Variants in IST1 observed in about 807,000 individuals in gnomAD.
IST1 encodes IST1 factor associated with ESCRT-III.
A neutral mutation model predicts 37.0 loss-of-function variants in IST1; 23 were observed. The ratio of observed to expected loss-of-function variants is 0.62; its 90% CI spans 0.45 to 0.88. The LOEUF (loss-of-function observed/expected upper bound fraction) is 0.88. IST1 is among the 40% of genes least tolerant of loss of function. The probability of loss-of-function intolerance (pLI) is 0.00; values close to 1 mark genes in which losing one functional copy is unlikely to be tolerated. For synonymous variants in IST1, 180 were observed against 161.7 expected, an observed-to-expected ratio of 1.11 and a Z score of -0.86; for missense variants, 488 against 445.4, an observed-to-expected ratio of 1.10 and a Z score of -0.86.
upstream of IST1, chr16:71,895,218 G>A (rs1243013440): frequency 4.0e-5 from 7 of 176,330 alleles, no homozygotes; most frequent in Non-Finnish European, 7.3e-5. Context: ...GGCGCGGTGA[G>A]GCCGTGGGCG....
chr16:71,914,504 G>T, intron 1 of IST1, among the ~76,000 whole-genome samples: 1 of 152,116 alleles, frequency 6.6e-6, no homozygotes, highest in East Asian at 1.9e-4. Context: ...TCAAGCCAAT[G>T]TCTCACATAC....
At position 71,928,036 on chromosome 16, in the gene IST1, G is replaced by A. The variant is rs1391899064; in HGVS notation, c.*223G>A. The stretch of plus-strand genomic sequence containing the variant: ...CTGAGGCCAGAGCAACTGGCTCCTG[G>A]CAGCTGTGCTTGTCCGTTTCCTGTC... On this transcript the variant is annotated 3_prime_UTR_variant, in exon 10 of 10. Coordinates refer to ENST00000378799, the MANE Select transcript of IST1 (RefSeq NM_001270975.2). 1.4e-5 allele frequency: 7 copies of A among 516,980 alleles called. No homozygotes were observed. The highest frequency in any genetic ancestry group is 2.1e-5 in the Non-Finnish European group (6 of 285,782). 32.0% of individuals were successfully genotyped at this position (516,980 alleles called of 1,614,324 possible).
intron 8 of IST1, among the ~76,000 whole-genome samples, chr16:71,923,801 A>G (rs1355929268): frequency 2.0e-5 from 3 of 152,214 alleles, no homozygotes; most frequent in Non-Finnish European, 4.4e-5. Context: ...TCTTAATCAG[A>G]AATGTCCAGT....
intron 7 of IST1, among the ~76,000 whole-genome samples, 189 bp from the exon 8 acceptor site, chr16:71,923,099 G>A (rs534008859): frequency 8.6e-4 from 131 of 152,234 alleles, no homozygotes; most frequent in Middle Eastern, 6.8e-3. Flanking sequence ...AATAGCCTTT[G>A]GCTCTAGATC....
At chr16:71,915,974 G>T (rs1471869669) in intron 2 of IST1, among the ~76,000 whole-genome samples, 1 of 152,034 alleles carries the variant, frequency 6.6e-6, no homozygotes, top group East Asian at 1.9e-4. Flanking sequence ...GGGATTACAG[G>T]TGTGTGCCAC....
chr16:71,901,959 G>C (rs1415220455), intron 1 of IST1, among the ~76,000 whole-genome samples: 1 of 152,170 alleles, frequency 6.6e-6, no homozygotes, highest in Non-Finnish European at 1.5e-5. Flanking sequence ...TATAAAGCAT[G>C]CCTTAAACAT....
At chr16:71,907,093 AT>A (rs1242069725) in intron 1 of IST1, among the ~76,000 whole-genome samples, 1 of 150,940 alleles carries the variant, frequency 6.6e-6, no homozygotes, top group Non-Finnish European at 1.5e-5. Context: ...ATTTCTTTGT[AT>A]TTTGTCTGAT....
rs1200837312 is a variant in IST1 at position 71,928,153 on chromosome 16, G to A, written c.*340G>A. ...GAAGCACTGTGGGAAGACCACCAAA[G>A]ATGGCTGGACAGTGGGAGAGAGCAC... On this transcript the variant is annotated 3_prime_UTR_variant, in exon 10 of 10. Transcript: ENST00000378799. 1 of 332,998 alleles carries A rather than the reference G, an allele frequency of 3.0e-6. No homozygotes were observed. 20.6% of individuals were successfully genotyped at this position (332,998 alleles called of 1,614,324 possible).
intron 6 of IST1, among the ~76,000 whole-genome samples, 153 bp from the exon 7 acceptor site, chr16:71,922,321 C>G (rs1286671816): frequency 6.6e-6 from 1 of 152,216 alleles, no homozygotes; most frequent in African/African-American, 2.4e-5. Context: ...ACTTCTCCTT[C>G]CACCTAACTC....
At chr16:71,919,580 T>C (rs1414039274) in intron 4 of IST1, among the ~76,000 whole-genome samples, 1 of 152,130 alleles carries the variant, frequency 6.6e-6, no homozygotes, top group East Asian at 1.9e-4. Flanking sequence ...AAATAGAGAC[T>C]AGGGTTTTGC....
At chr16:71,910,294 T>A (rs946119119) in intron 1 of IST1, among the ~76,000 whole-genome samples, 1 of 152,090 alleles carries the variant, frequency 6.6e-6, no homozygotes, top group East Asian at 1.9e-4. Context: ...CACTTAGCCC[T>A]CTTGGATATC....
chr16:71,908,919 A>G (rs755645602), intron 1 of IST1, among the ~76,000 whole-genome samples: 5 of 152,104 alleles, frequency 3.3e-5, no homozygotes, highest in Non-Finnish European at 5.9e-5. Context: ...TAGCTGCTAC[A>G]TGCATTCTGT....
At chr16:71,922,760 C>T (rs1034863358) in intron 7 of IST1, 80 bp downstream of exon 7, 1 of 1,186,482 alleles carries the variant, frequency 8.4e-7, no homozygotes, top group African/African-American at 1.5e-5. Flanking sequence ...ACTCAGGAAT[C>T]ATAGGTTGTC....
intron 1 of IST1, among the ~76,000 whole-genome samples, chr16:71,895,920 C>T (rs1454408585): frequency 6.6e-6 from 1 of 152,196 alleles, no homozygotes; most frequent in Non-Finnish European, 1.5e-5. Flanking sequence ...GGAAACGCCG[C>T]GGCCTCGGCG....
At chr16:71,911,236 C>T (rs761094368) in intron 1 of IST1, among the ~76,000 whole-genome samples, 6 of 150,722 alleles carry the variant, frequency 4.0e-5, no homozygotes, top group Non-Finnish European at 5.9e-5. Flanking sequence ...GAGACTCTTA[C>T]GTCAAAAACA....
intron 1 of IST1, among the ~76,000 whole-genome samples, chr16:71,902,444 A>G (rs1008984555): frequency 6.6e-6 from 1 of 151,976 alleles, no homozygotes; most frequent in African/African-American, 2.4e-5. Flanking sequence ...TAATTTTTGT[A>G]TTTTTAGTAG....
At chr16:71,904,725 T>A (rs1427717985) in intron 1 of IST1, among the ~76,000 whole-genome samples, 2 of 152,082 alleles carry the variant, frequency 1.3e-5, no homozygotes, top group African/African-American at 4.8e-5. Context: ...TTCTTTTGAT[T>A]AGTGTTTGCA....
At chr16:71,917,356 T>C (rs190245931) in intron 4 of IST1, among the ~76,000 whole-genome samples, 6 of 152,370 alleles carry the variant, frequency 3.9e-5, no homozygotes, top group Admixed American at 2.0e-4. Context: ...AAGTTTTGTG[T>C]ATCTCCAGTT....
At chr16:71,904,670 A>C (rs1214875082) in intron 1 of IST1, among the ~76,000 whole-genome samples, 1 of 152,146 alleles carries the variant, frequency 6.6e-6, no homozygotes, top group East Asian at 1.9e-4. Context: ...CAGCCTCCCA[A>C]AGTGCTGGGC....
Sources: allele counts gnomAD v4.1 joint callset (sites outside exome capture counted in the v4.1 genomes callset), GRCh38; gene constraint gnomAD v4.1.1; transcripts MANE v1.5; gene names NCBI Gene and HGNC (gene_info 2026-07-23, HGNC 2026-07-21).